RTN1: variants seen among roughly 807,000 people sequenced by gnomAD.
RTN1 encodes reticulon-1.
RTN1 carries 25 observed loss-of-function variants against 65.5 expected under a neutral mutation model. That is an observed-to-expected ratio of 0.38 (90% CI 0.28 to 0.53). The LOEUF (loss-of-function observed/expected upper bound fraction) is 0.53, where lower values mean the gene tolerates loss of function less well. RTN1 is among the 20% of genes least tolerant of loss of function. The pLI, the probability that RTN1 is intolerant of heterozygous loss-of-function variation, is 0.79. For missense variants in RTN1, 983 were observed against 1,025.4 expected (o/e 0.96, Z 0.57); for synonymous variants, 471 against 447.6 (o/e 1.05, Z -0.66).
chr14:59,607,901 A>T (rs1881814911), intron 3 of RTN1, among the ~76,000 whole-genome samples: 1 of 131,540 alleles, frequency 7.6e-6, no homozygotes, highest in African/African-American at 3.1e-5. Context: ...ACTCTGTCTT[A>T]AAAAAAAAAA....
chr14:59,870,511 C>A lies in RTN1; in HGVS notation c.120G>T (p.Pro40=), dbSNP rs1233665773. The change falls in exon 1 of 9, where the codon CCG becomes CCT. Residue 40 remains proline (P), a synonymous_variant. Transcript: ENST00000267484. This position sits in a 1 kb window ranked among gnomAD's most constrained non-coding sequence, Gnocchi z 5.1. ...GGCTGGGCTCCCCAGCCTGCGGCGC[C>A]GGCGTGGCCCCTTTCGGCGTCACCG... ...NEAVTPKGAT[P]APQAGEPSPG... is the part of the protein sequence containing the mutation. 6.9e-6 allele frequency: 10 copies of A among 1,454,432 alleles called. No homozygotes were observed. Among genetic ancestry groups the A allele is most frequent in the Non-Finnish European group, 7.2e-6 (8 of 1,109,030 alleles). 90.1% of individuals were successfully genotyped at this position (1,454,432 alleles called of 1,614,324 possible).
chr14:59,665,752 C>T (rs1883356039), intron 3 of RTN1, among the ~76,000 whole-genome samples: 1 of 151,956 alleles, frequency 6.6e-6, no homozygotes, highest in South Asian at 2.1e-4. Context: ...GGAAGACCTA[C>T]CAAGCAAATG....
intron 3 of RTN1, among the ~76,000 whole-genome samples, chr14:59,720,893 T>C (rs1053774718): frequency 4.6e-5 from 7 of 151,990 alleles, no homozygotes; most frequent in Admixed American, 1.3e-4. Context: ...AGAGCTCAAG[T>C]GGAATCTAAC....
intron 1 of RTN1, among the ~76,000 whole-genome samples, chr14:59,808,872 T>C (rs1886681751): frequency 6.6e-6 from 1 of 152,108 alleles, no homozygotes; most frequent in Non-Finnish European, 1.5e-5. Flanking sequence ...CCCCTTTGCC[T>C]TCCTCAATGA....
intron 1 of RTN1, among the ~76,000 whole-genome samples, chr14:59,778,364 C>T (rs1886092688): frequency 6.6e-6 from 1 of 152,040 alleles, no homozygotes; most frequent in Admixed American, 6.6e-5. Flanking sequence ...TTGTTAATTC[C>T]CACAAAGTCC....
chr14:59,624,589 G>A (rs999641082), intron 3 of RTN1, among the ~76,000 whole-genome samples: 1 of 151,980 alleles, frequency 6.6e-6, no homozygotes, highest in African/African-American at 2.4e-5. Flanking sequence ...AGCCTCCCGA[G>A]TAGTTAGGAC....
chr14:59,836,638 C>G lies in RTN1; in HGVS notation c.241+33752G>C, dbSNP rs2139647428. Among the ~76,000 whole-genome samples, 1 of 152,114 alleles carries G rather than the reference C, an allele frequency of 6.6e-6. No individual in the cohort carries two copies. Among genetic ancestry groups the G allele is most frequent in the East Asian group, 1.9e-4 (1 of 5,188 alleles). Reference sequence around the variant, plus strand: ...GAAAGCAAAAATGCATTTTTGAGGACCAGCAAGGAATCCAGAATGACAGGG... The same window carrying G: ...GAAAGCAAAAATGCATTTTTGAGGAGCAGCAAGGAATCCAGAATGACAGGG... On this transcript the variant is annotated intron_variant, in intron 1 of 8. Transcript: ENST00000267484. The surrounding 1 kb of genome is among the most constrained non-coding windows in gnomAD (Gnocchi z 4.9).
intron 1 of RTN1, among the ~76,000 whole-genome samples, chr14:59,749,995 A>ATATTATATAT (rs1362103823): frequency 3.2e-5 from 2 of 62,158 alleles, no homozygotes; most frequent in African/African-American, 1.5e-4. Flanking sequence ...TTATATACAT[A>ATATTATATAT]TATATTATAT....
At chr14:59,789,611 C>T (rs139047937) in intron 1 of RTN1, among the ~76,000 whole-genome samples, 1 of 152,130 alleles carries the variant, frequency 6.6e-6, no homozygotes, top group African/African-American at 2.4e-5. Flanking sequence ...ATATTCTGTC[C>T]TCCTTAGACA....
chr14:59,692,053 T>C (rs1883972585), intron 3 of RTN1, among the ~76,000 whole-genome samples: 1 of 151,716 alleles, frequency 6.6e-6, no homozygotes, highest in African/African-American at 2.4e-5. Flanking sequence ...TTCTCACCAC[T>C]CCAATATAGT....
chr14:59,839,336 T>C (rs1034997836), intron 1 of RTN1, among the ~76,000 whole-genome samples: 2 of 152,222 alleles, frequency 1.3e-5, no homozygotes, highest in Admixed American at 6.5e-5. Context: ...AAAACACTCA[T>C]TAGCCTGTCT....
At chr14:59,714,532 C>A (rs1884493645) in intron 3 of RTN1, among the ~76,000 whole-genome samples, 1 of 152,124 alleles carries the variant, frequency 6.6e-6, no homozygotes, top group Non-Finnish European at 1.5e-5. Context: ...TGGTCTAGAG[C>A]CTTGAAGGAG....
intron 3 of RTN1, among the ~76,000 whole-genome samples, chr14:59,714,051 T>C (rs1489128012): frequency 1.3e-5 from 2 of 151,994 alleles, no homozygotes; most frequent in South Asian, 2.1e-4. Flanking sequence ...CTGGCCAACA[T>C]AGTGAAACTC....
intron 1 of RTN1, among the ~76,000 whole-genome samples, chr14:59,835,117 G>C (rs1887191520): frequency 6.6e-6 from 1 of 152,092 alleles, no homozygotes; most frequent in Admixed American, 6.5e-5. Flanking sequence ...ATCATCAGGT[G>C]AATGAGTAAA....
intron 3 of RTN1, among the ~76,000 whole-genome samples, chr14:59,662,142 T>G (rs2140207825): frequency 6.6e-6 from 1 of 151,000 alleles, no homozygotes; most frequent in Admixed American, 6.6e-5. Context: ...CATTTTGGAG[T>G]GAAATCCAGC....
rs1886820189 is a variant in RTN1 at position 59,816,281 on chromosome 14, A to T, written c.241+54109T>A. Reference sequence around the variant, plus strand: ...TCAGGTGATTAATGAATGCTGATACAGACCTTTAGTAAAGAACAAAATAAC... The same window carrying T: ...TCAGGTGATTAATGAATGCTGATACTGACCTTTAGTAAAGAACAAAATAAC... On this transcript the variant is annotated intron_variant, in intron 1 of 8. Transcript: ENST00000267484. The surrounding 1 kb of genome is among the most constrained non-coding windows in gnomAD (Gnocchi z 4.3). 6.6e-6 allele frequency among the ~76,000 whole-genome samples: 1 copy of T among 152,308 alleles called. No individual in the cohort carries two copies. Among genetic ancestry groups the T allele is most frequent in the African/African-American group, 2.4e-5 (1 of 41,560 alleles).
At chr14:59,802,867 G>A (rs577081769) in intron 1 of RTN1, among the ~76,000 whole-genome samples, 1 of 152,138 alleles carries the variant, frequency 6.6e-6, no homozygotes, top group Non-Finnish European at 1.5e-5. Flanking sequence ...CCAGAGCCAG[G>A]CCAGGTACCA....
intron 8 of RTN1, among the ~76,000 whole-genome samples, chr14:59,597,847 T>A (rs1262213413): frequency 6.6e-6 from 1 of 152,004 alleles, no homozygotes. Context: ...TGCAGAGGCA[T>A]CACAGAGAGG....
rs1023339926 is a variant in RTN1 at position 59,819,725 on chromosome 14, G to A, written c.241+50665C>T. Among the ~76,000 whole-genome samples the A allele has an allele frequency of 6.6e-5, 10 of 152,094 alleles. No individual in the cohort carries two copies. In the East Asian group the frequency reaches 7.7e-4, roughly 12 times the overall value. On this transcript the variant is annotated intron_variant, in intron 1 of 8. Coordinates refer to ENST00000267484, the MANE Select transcript of RTN1 (RefSeq NM_021136.3). The stretch of plus-strand genomic sequence containing the variant: ...CCCGAACCCTGCCTTGTGGGGAGGC[G>A]GCTGAGGCCCAGCAAGAATTCGAGC...
Sources: gnomAD v4.1 joint callset for allele counts (sites outside exome capture counted in the v4.1 genomes callset) on GRCh38, gnomAD v4.1.1 for gene constraint, Gnocchi (gnomAD v3.1) non-coding constraint, MANE v1.5 for transcripts, NCBI Gene and HGNC (gene_info 2026-07-23, HGNC 2026-07-21) for gene names.